ASIC2: variants seen among roughly 807,000 people sequenced by gnomAD.
ASIC2 encodes the protein acid sensing ion channel subunit 2.
Under a neutral mutation model 57.3 loss-of-function variants are expected in ASIC2, and 25 were observed. The ratio of observed to expected loss-of-function variants is 0.44; its 90% CI spans 0.32 to 0.61. ASIC2 has a LOEUF of 0.61. Among genes scored for constraint, ASIC2 ranks in the 20% least tolerant of loss-of-function variants. ASIC2 has a pLI of 0.06. For synonymous variants in ASIC2, 319 were observed against 307.5 expected (o/e 1.04, Z -0.39); for missense variants, 641 against 738.1 (o/e 0.87, Z 1.52).
intron 1 of ASIC2, among the ~76,000 whole-genome samples, chr17:33,886,414 G>A (rs999628451): frequency 3.9e-5 from 6 of 152,118 alleles, no homozygotes; most frequent in Non-Finnish European, 5.9e-5. Flanking sequence ...CTGGAAACTG[G>A]CTCCATTTAC....
At chr17:33,736,207 T>C (rs1909906173) in intron 1 of ASIC2, among the ~76,000 whole-genome samples, 1 of 151,834 alleles carries the variant, frequency 6.6e-6, no homozygotes, top group South Asian at 2.1e-4. Flanking sequence ...GGGAATTTAT[T>C]TTTCCTCCCA....
At chr17:33,242,648 G>C (rs79769668) in intron 1 of ASIC2, among the ~76,000 whole-genome samples, 1 of 152,174 alleles carries the variant, frequency 6.6e-6, no homozygotes, top group Non-Finnish European at 1.5e-5. Flanking sequence ...TGACATTCAT[G>C]AGAGTAATCC....
chr17:33,595,473 G>A (rs1166321425), intron 1 of ASIC2, among the ~76,000 whole-genome samples: 1 of 152,198 alleles, frequency 6.6e-6, no homozygotes, highest in African/African-American at 2.4e-5. Context: ...GGCTTCTTTT[G>A]CCTTCCCACT....
At chr17:33,522,410 A>T (rs970707037) in intron 1 of ASIC2, among the ~76,000 whole-genome samples, 1 of 152,178 alleles carries the variant, frequency 6.6e-6, no homozygotes, top group Non-Finnish European at 1.5e-5. Flanking sequence ...GCTGAGGCCC[A>T]CCTGTGGGGG....
chr17:33,386,378 C>T (rs753977544), intron 1 of ASIC2, among the ~76,000 whole-genome samples: 44 of 152,174 alleles, frequency 2.9e-4, no homozygotes, highest in Middle Eastern at 3.2e-3. Flanking sequence ...TCTTACCACC[C>T]CTGAAGCTTT....
intron 1 of ASIC2, among the ~76,000 whole-genome samples, chr17:33,161,039 T>C (rs1012580112): frequency 2.0e-5 from 3 of 152,204 alleles, no homozygotes; most frequent in Non-Finnish European, 4.4e-5. Context: ...AGGGGTTTCC[T>C]AAATCTCAAC....
intron 1 of ASIC2, among the ~76,000 whole-genome samples, chr17:33,163,260 C>G (rs1318715875): frequency 1.3e-5 from 2 of 152,162 alleles, no homozygotes; most frequent in African/African-American, 4.8e-5. Flanking sequence ...GCATGACCTT[C>G]TAGGTGGAGA....
intron 3 of ASIC2, among the ~76,000 whole-genome samples, chr17:33,029,169 G>C (rs980826534): frequency 1.3e-5 from 2 of 152,156 alleles, no homozygotes; most frequent in East Asian, 1.9e-4. Flanking sequence ...CAAATATTAA[G>C]TGCACTATTC....
chr17:34,121,124 T>A (rs1047088193), intron 1 of ASIC2, among the ~76,000 whole-genome samples: 3 of 152,040 alleles, frequency 2.0e-5, no homozygotes, highest in Non-Finnish European at 2.9e-5. Context: ...GAGCGAGGCA[T>A]CTATAAGCCA....
intron 1 of ASIC2, among the ~76,000 whole-genome samples, chr17:34,040,112 C>A (rs1469014263): frequency 4.1e-5 from 5 of 122,320 alleles, no homozygotes; most frequent in Admixed American, 7.8e-5. Context: ...CAGAGCCAGG[C>A]GCCCGACGCG....
chr17:33,920,970 A>G (rs77470712), intron 1 of ASIC2, among the ~76,000 whole-genome samples: 2,789 of 152,326 alleles, frequency 0.018, 45 homozygotes, highest in Non-Finnish European at 0.029. Flanking sequence ...TCCATAACTC[A>G]TAAAGTTTAT....
At chr17:34,085,024 C>T (rs942343156) in intron 1 of ASIC2, among the ~76,000 whole-genome samples, 3 of 152,146 alleles carry the variant, frequency 2.0e-5, no homozygotes, top group Non-Finnish European at 2.9e-5. Context: ...ATTGAATACC[C>T]TTTATTTCCT....
At chr17:33,047,761 C>A (rs2091961104) in intron 3 of ASIC2, among the ~76,000 whole-genome samples, 1 of 152,170 alleles carries the variant, frequency 6.6e-6, no homozygotes, top group South Asian at 2.1e-4. Context: ...CTCTAGCCAG[C>A]ATTGGTTTTA....
chr17:33,141,704 A>G (rs1027373558), intron 1 of ASIC2, among the ~76,000 whole-genome samples: 2 of 152,232 alleles, frequency 1.3e-5, no homozygotes, highest in Non-Finnish European at 2.9e-5. Flanking sequence ...AATTCCCATT[A>G]CATGGGCTTC....
chr17:33,112,040 T>G lies in ASIC2; in HGVS notation c.736A>C (p.Met246Leu). 1 of 1,613,778 alleles carries G rather than the reference T, an allele frequency of 6.2e-7. No homozygotes were observed. Among genetic ancestry groups the G allele is most frequent in the Non-Finnish European group, 8.5e-7 (1 of 1,179,904 alleles). ...SVFTKYGKCY[M>L]FNSGEDGKPL... ...TTGCCATCCTCGCCTGAGTTAAACA[T>G]GTAACACTTCCCATATTTTGTAAAC... The change falls in exon 2 of 10, where the codon ATG becomes CTG. Residue 246 changes from methionine (M) to leucine (L), a missense_variant. Met to Leu is a conservative substitution (Grantham distance 15). Transcript: ENST00000225823.
At chr17:33,812,979 A>T (rs1912469560) in intron 1 of ASIC2, among the ~76,000 whole-genome samples, 2 of 152,046 alleles carry the variant, frequency 1.3e-5, no homozygotes, top group African/African-American at 4.8e-5. Flanking sequence ...TTCCCTGTCC[A>T]TTTTTTGGCT....
At chr17:34,111,519 T>C (rs1408333098) in intron 1 of ASIC2, among the ~76,000 whole-genome samples, 2 of 152,116 alleles carry the variant, frequency 1.3e-5, no homozygotes, top group Admixed American at 6.5e-5. Flanking sequence ...ATTAGGATAG[T>C]GTAACTAAAA....
At chr17:33,331,320 G>A (rs766659797) in intron 1 of ASIC2, among the ~76,000 whole-genome samples, 4 of 152,168 alleles carry the variant, frequency 2.6e-5, no homozygotes, top group Non-Finnish European at 5.9e-5. Context: ...TAAAGTAGAC[G>A]CTATTACTAA....
At chr17:33,224,831 CA>C (rs1473998170) in intron 1 of ASIC2, among the ~76,000 whole-genome samples, 1 of 152,112 alleles carries the variant, frequency 6.6e-6, no homozygotes, top group Non-Finnish European at 1.5e-5. Context: ...ACCCACTGGC[CA>C]GACATGATTT....
Sources: gnomAD v4.1 joint callset for allele counts (sites outside exome capture counted in the v4.1 genomes callset) on GRCh38, gnomAD v4.1.1 for gene constraint, MANE v1.5 for transcripts, NCBI Gene and HGNC (gene_info 2026-07-23, HGNC 2026-07-21) for gene names.